GLRA2: variants seen among roughly 807,000 people sequenced by gnomAD.
GLRA2 encodes glycine receptor subunit alpha-2.
Under a neutral mutation model 31.6 loss-of-function variants are expected in GLRA2, and 11 were observed. The ratio of observed to expected loss-of-function variants is 0.35; its 90% confidence interval spans 0.22 to 0.58. The LOEUF (loss-of-function observed/expected upper bound fraction) is 0.58. GLRA2 is among the 20% of genes least tolerant of loss of function. The probability of loss-of-function intolerance (pLI) is 0.84; values close to 1 mark genes in which losing one functional copy is unlikely to be tolerated. For synonymous variants in GLRA2, 132 were observed against 134.0 expected (o/e 0.99, Z 0.10); for missense variants, 212 against 351.8 (o/e 0.60, Z 3.18).
chrX:14,463,390 A>T, the GLRA2 span, among the ~76,000 whole-genome samples: 49 of 111,749 alleles, frequency 4.4e-4, no homozygotes, highest in African/African-American at 1.5e-3. Flanking sequence ...CAGAGCTGTC[A>T]GGCCGGGATG....
At chrX:14,593,790 G>T (rs755988049) in intron 4 of GLRA2, among the ~76,000 whole-genome samples, 9 of 112,906 alleles carry the variant, frequency 8.0e-5, no homozygotes, top group South Asian at 3.6e-4. Flanking sequence ...TAACACATAC[G>T]TATGGACATA....
intron 7 of GLRA2, among the ~76,000 whole-genome samples, chrX:14,671,764 A>G (rs113599386): frequency 0.027 from 3,102 of 112,944 alleles, 72 homozygotes; most frequent in African/African-American, 0.079. Flanking sequence ...TGCTATGCAC[A>G]TAGTATTGCA....
At chrX:14,606,015 ATT>A (rs149225437) in intron 5 of GLRA2, among the ~76,000 whole-genome samples, 54 of 100,994 alleles carry the variant, frequency 5.3e-4, no homozygotes, top group African/African-American at 1.2e-3. Context: ...TGTTCTTATT[ATT>A]TTTTTTTTTT....
chrX:14,638,737 C>T (rs1206257962), intron 7 of GLRA2, among the ~76,000 whole-genome samples: 1 of 111,422 alleles, frequency 9.0e-6, no homozygotes, highest in African/African-American at 3.3e-5. Context: ...ATTTATTCTA[C>T]TCACAATGTG....
At chrX:14,560,797 C>CAAAAA (rs760583127) in intron 2 of GLRA2, among the ~76,000 whole-genome samples, 3 of 41,243 alleles carry the variant, frequency 7.3e-5, no homozygotes, top group African/African-American at 2.7e-4. Flanking sequence ...GACCCTGTCT[C>CAAAAA]AAAAAAAAAA....
At chrX:14,729,359 T>C (rs1156668078) in intron 8 of GLRA2, among the ~76,000 whole-genome samples, 1 of 111,135 alleles carries the variant, frequency 9.0e-6, no homozygotes, top group African/African-American at 3.3e-5. Context: ...CCCCACCTTT[T>C]CAACCCCACC....
intron 8 of GLRA2, among the ~76,000 whole-genome samples, chrX:14,698,879 G>T (rs1663477440): frequency 3.6e-5 from 4 of 110,408 alleles, no homozygotes; most frequent in African/African-American, 1.3e-4. Context: ...TTTATTGAGA[G>T]AACACCTGAG....
intron 7 of GLRA2, 90 bp from the exon 8 acceptor site, chrX:14,690,620 T>G: frequency 4.7e-6 from 3 of 638,817 alleles, no homozygotes; most frequent in South Asian, 5.1e-5. Flanking sequence ...CTCACACCAT[T>G]AAGAATCTGG....
chrX:14,607,290 T>TTTC (rs1556022203), intron 6 of GLRA2, 22 bp downstream of exon 6: 3 of 1,139,415 alleles, frequency 2.6e-6, no homozygotes, highest in Non-Finnish European at 3.5e-6. Flanking sequence ...TTTTTTTTTT[T>TTTC]TTCAGCTGTT....
chrX:14,517,309 T>A, the GLRA2 span, among the ~76,000 whole-genome samples: 1 of 112,374 alleles, frequency 8.9e-6, no homozygotes, highest in African/African-American at 3.2e-5. Flanking sequence ...TGTGCCATTT[T>A]AAAAACATTA....
chrX:14,449,108 C>A, the GLRA2 span, among the ~76,000 whole-genome samples: 1 of 112,374 alleles, frequency 8.9e-6, no homozygotes, highest in African/African-American at 3.2e-5. Context: ...TACTCGTGAA[C>A]CTGACACCAA....
chrX:14,513,397 C>T, the GLRA2 span, among the ~76,000 whole-genome samples: 8 of 111,566 alleles, frequency 7.2e-5, no homozygotes, highest in African/African-American at 2.6e-4. Context: ...GCAAATGCAA[C>T]AAAAACAAAG....
chrX:14,694,164 T>C (rs2091406040), intron 8 of GLRA2, among the ~76,000 whole-genome samples: 1 of 111,688 alleles, frequency 9.0e-6, no homozygotes, highest in Admixed American at 9.5e-5. Context: ...AAATCAGCAT[T>C]TGGGAAGAAC....
intron 4 of GLRA2, among the ~76,000 whole-genome samples, chrX:14,581,778 A>G (rs1305173901): frequency 9.6e-6 from 1 of 103,923 alleles, no homozygotes; most frequent in Non-Finnish European, 1.9e-5. Flanking sequence ...ACACACACAC[A>G]CACACACACA....
At chrX:14,683,843 C>T (rs2091244652) in intron 7 of GLRA2, among the ~76,000 whole-genome samples, 1 of 109,519 alleles carries the variant, frequency 9.1e-6, no homozygotes, top group African/African-American at 3.3e-5. Flanking sequence ...CACATGTATA[C>T]ATATGTAACT....
chrX:14,559,357 C>T (rs979626617), intron 2 of GLRA2, among the ~76,000 whole-genome samples: 13 of 106,453 alleles, frequency 1.2e-4, no homozygotes, highest in East Asian at 2.9e-4. Flanking sequence ...ACATAATTTA[C>T]GGTGAATTTT....
the GLRA2 span, among the ~76,000 whole-genome samples, chrX:14,474,794 C>A: frequency 9.0e-6 from 1 of 110,580 alleles, no homozygotes; most frequent in African/African-American, 3.3e-5. Context: ...CTAACTTGCA[C>A]AGTAACAAGG....
intron 8 of GLRA2, among the ~76,000 whole-genome samples, chrX:14,728,704 T>A (rs1445594626): frequency 8.9e-6 from 1 of 112,342 alleles, no homozygotes; most frequent in Non-Finnish European, 1.9e-5. Context: ...AAGGACTGCG[T>A]TGAACTCTTC....
chrX:14,456,930 C>T, the GLRA2 span, among the ~76,000 whole-genome samples: 1 of 111,811 alleles, frequency 8.9e-6, no homozygotes, highest in Non-Finnish European at 1.9e-5. Flanking sequence ...TGAGGAACTT[C>T]CATACTGTTC....
Sources: gnomAD v4.1 joint callset for allele counts (sites outside exome capture counted in the v4.1 genomes callset) on GRCh38, gnomAD v4.1.1 for gene constraint, MANE v1.5 for transcripts, NCBI Gene and HGNC (gene_info 2026-07-23, HGNC 2026-07-21) for gene names.